TAFA1: variants seen among roughly 807,000 people sequenced by gnomAD.
The protein encoded by TAFA1 is TAFA chemokine like family member 1.
TAFA1 carries 4 observed loss-of-function variants against 18.5 expected under a neutral mutation model. The observed-to-expected ratio is 0.22, with a 90% CI of 0.11 to 0.49. TAFA1 has a LOEUF of 0.49. Ranked by LOEUF, TAFA1 falls within the 20% of genes least tolerant of loss-of-function variation. TAFA1 has a pLI of 0.98. For synonymous variants in TAFA1, 56 were observed against 55.2 expected, an observed-to-expected ratio of 1.01 and a Z score of -0.06; for missense variants, 147 against 169.0, an observed-to-expected ratio of 0.87 and a Z score of 0.72.
chr3:68,136,081 G>T (rs760930615), intron 2 of TAFA1, among the ~76,000 whole-genome samples: 1 of 152,050 alleles, frequency 6.6e-6, no homozygotes, highest in Admixed American at 6.6e-5. Context: ...AGGGCAAATA[G>T]AATAGTTTTC....
chr3:68,044,886 G>A (rs1444563724), intron 2 of TAFA1, among the ~76,000 whole-genome samples: 1 of 152,164 alleles, frequency 6.6e-6, no homozygotes, highest in Non-Finnish European at 1.5e-5. Context: ...ACATATAGAA[G>A]TTAATTGATA....
At chr3:68,250,304 G>A (rs904864761) in intron 2 of TAFA1, among the ~76,000 whole-genome samples, 40 of 152,098 alleles carry the variant, frequency 2.6e-4, no homozygotes, top group African/African-American at 8.2e-4. Flanking sequence ...GGCTTCATTT[G>A]GAGACAGTCT....
chr3:68,186,148 C>A (rs1222060519), intron 2 of TAFA1, among the ~76,000 whole-genome samples: 1 of 151,994 alleles, frequency 6.6e-6, no homozygotes, highest in Non-Finnish European at 1.5e-5. Context: ...TGCCTTAGCT[C>A]CCCCTTTGGT....
intron 2 of TAFA1, among the ~76,000 whole-genome samples, chr3:68,124,197 T>C (rs1030850913): frequency 2.6e-5 from 4 of 152,242 alleles, no homozygotes; most frequent in African/African-American, 9.6e-5. Context: ...GTAAGCCTTG[T>C]CACTCGATGG....
In TAFA1 at chr3:68,318,147, T is replaced by A. The variant is rs150630700; in HGVS notation, c.119-99133T>A. ...CCAGTTTGTCAGTAAGATAGAAATTTACATACATGTACAGACATTCACACA... is the reference window on the plus strand; with the variant it reads ...CCAGTTTGTCAGTAAGATAGAAATTAACATACATGTACAGACATTCACACA... On this transcript the variant is annotated intron_variant, in intron 2 of 4. Transcript: ENST00000478136. 1.8e-3 allele frequency among the ~76,000 whole-genome samples: 276 copies of A among 152,328 alleles called. 3 individuals are homozygous for A. The South Asian group carries it at 0.036, about 20-fold the overall frequency.
intron 2 of TAFA1, among the ~76,000 whole-genome samples, chr3:68,107,232 G>C (rs1395215563): frequency 2.6e-5 from 4 of 152,032 alleles, no homozygotes; most frequent in Non-Finnish European, 5.9e-5. Context: ...TTGGGGAAAG[G>C]GGAAGAGTCA....
intron 2 of TAFA1, among the ~76,000 whole-genome samples, chr3:68,243,629 T>C (rs2067030955): frequency 6.6e-6 from 1 of 152,190 alleles, no homozygotes; most frequent in Admixed American, 6.5e-5. Context: ...TGTCAATAGT[T>C]CATTTCTTTT....
At chr3:68,175,669 T>C (rs903655311) in intron 2 of TAFA1, among the ~76,000 whole-genome samples, 47 of 152,350 alleles carry the variant, frequency 3.1e-4, no homozygotes, top group African/African-American at 1.1e-3. Flanking sequence ...GTTTTTGATT[T>C]TACAGGCTCA....
intron 3 of TAFA1, among the ~76,000 whole-genome samples, chr3:68,499,964 C>T (rs750822540): frequency 1.2e-4 from 18 of 150,824 alleles, no homozygotes; most frequent in Non-Finnish European, 1.9e-4. Flanking sequence ...TGCAAGTACA[C>T]GATAATAAAC....
At chr3:68,416,439 C>A (rs2070840089) in intron 2 of TAFA1, among the ~76,000 whole-genome samples, 1 of 152,158 alleles carries the variant, frequency 6.6e-6, no homozygotes, top group East Asian at 1.9e-4. Context: ...ATTCTGAACT[C>A]CAAATTTGAT....
intron 2 of TAFA1, among the ~76,000 whole-genome samples, chr3:68,050,722 T>C (rs2106701750): frequency 6.6e-6 from 1 of 152,296 alleles, no homozygotes; most frequent in South Asian, 2.1e-4. Context: ...GGGTCAGCCA[T>C]TGACTAACTT....
At chr3:68,237,503 G>T (rs191336772) in intron 2 of TAFA1, among the ~76,000 whole-genome samples, 2 of 152,196 alleles carry the variant, frequency 1.3e-5, no homozygotes, top group East Asian at 3.9e-4. Context: ...TTAATGCTAC[G>T]CACACATCAG....
At chr3:68,065,718 G>A (rs1388413872) in intron 2 of TAFA1, among the ~76,000 whole-genome samples, 1 of 120,908 alleles carries the variant, frequency 8.3e-6, no homozygotes, top group Non-Finnish European at 1.7e-5. Context: ...ATACATAGAT[G>A]TTTGTGTGTA....
intron 2 of TAFA1, among the ~76,000 whole-genome samples, chr3:68,194,571 ATTG>A (rs932709867): frequency 1.6e-4 from 25 of 151,838 alleles, no homozygotes; most frequent in African/African-American, 6.0e-4. Context: ...TATTTTTGTT[ATTG>A]TTGTTGTTGG....
intron 2 of TAFA1, among the ~76,000 whole-genome samples, chr3:68,089,261 C>T (rs1415676481): frequency 6.6e-6 from 1 of 152,080 alleles, no homozygotes; most frequent in Non-Finnish European, 1.5e-5. Context: ...CCTGAATTTA[C>T]TTATTTGTAA....
rs181863742 is a variant in TAFA1 at position 68,449,259 on chromosome 3, A to C, written c.259+31839A>C. Reference sequence around the variant, plus strand: ...AGTATTGATGTTACAGCTACGGGGAACAGCATCATACAGAGCACAGAAGTA... The same window carrying C: ...AGTATTGATGTTACAGCTACGGGGACCAGCATCATACAGAGCACAGAAGTA... On this transcript the variant is annotated intron_variant, in intron 3 of 4. Coordinates refer to ENST00000478136, the MANE Select transcript of TAFA1 (RefSeq NM_213609.4). 3.3e-3 allele frequency among the ~76,000 whole-genome samples: 500 copies of C among 152,306 alleles called. 3 individuals carry two copies. The highest frequency in any genetic ancestry group is 5.4e-3 in the Non-Finnish European group (367 of 68,024).
At chr3:68,458,718 G>T (rs1214452696) in intron 3 of TAFA1, among the ~76,000 whole-genome samples, 1 of 151,940 alleles carries the variant, frequency 6.6e-6, no homozygotes. Flanking sequence ...CCATATGAAG[G>T]TCACTTTGAA....
chr3:68,481,504 A>G (rs563336861), intron 3 of TAFA1, among the ~76,000 whole-genome samples: 5 of 152,284 alleles, frequency 3.3e-5, no homozygotes, highest in African/African-American at 1.2e-4. Flanking sequence ...TTTGGCTTTC[A>G]TGACAACACA....
rs906542992 is a variant in TAFA1 at position 68,010,294 on chromosome 3, C to G, written c.118+3550C>G. The stretch of plus-strand genomic sequence containing the variant: ...CATGGTAATATTGATGGTATTCAGA[C>G]AGCAAACAGCCAATTTCAGTCTCTC... On this transcript the variant is annotated intron_variant, in intron 2 of 4. Coordinates refer to ENST00000478136, the MANE Select transcript of TAFA1 (RefSeq NM_213609.4). Among the ~76,000 whole-genome samples, 9 of 152,298 alleles carry G rather than the reference C, an allele frequency of 5.9e-5. No homozygotes were observed. The South Asian group carries it at 6.2e-4, about 11-fold the overall frequency.
Sources: allele counts gnomAD v4.1 joint callset (sites outside exome capture counted in the v4.1 genomes callset), GRCh38; gene constraint gnomAD v4.1.1; transcripts MANE v1.5; gene names NCBI Gene and HGNC (gene_info 2026-07-23, HGNC 2026-07-21).